The following ANKS1B variants were observed in gnomAD, a reference collection of about 807,000 sequenced individuals.
ANKS1B encodes ankyrin repeat and sterile alpha motif domain-containing protein 1B.
ANKS1B carries 36 observed loss-of-function variants against 148.3 expected under a neutral mutation model. That is an observed-to-expected ratio of 0.24 (90% CI 0.19 to 0.32). The LOEUF is 0.32. ANKS1B is among the 10% of genes least tolerant of loss of function. The pLI is 1.00. For missense variants in ANKS1B, 1,157 were observed against 1,542.6 expected (o/e 0.75, Z 4.19); for synonymous variants, 542 against 560.8 (o/e 0.97, Z 0.47).
At chr12:99,033,685 T>A (rs1312421272) in intron 17 of ANKS1B, among the ~76,000 whole-genome samples, 2 of 152,002 alleles carry the variant, frequency 1.3e-5, no homozygotes, top group East Asian at 3.9e-4. Context: ...AAGTAACTTG[T>A]ATCATTATTG....
At chr12:99,636,182 T>C (rs1203634986) in intron 9 of ANKS1B, among the ~76,000 whole-genome samples, 1 of 152,098 alleles carries the variant, frequency 6.6e-6, no homozygotes, top group Non-Finnish European at 1.5e-5. Context: ...AGAATTCTGT[T>C]TGGTCTAGAA....
intron 12 of ANKS1B, among the ~76,000 whole-genome samples, chr12:99,253,104 T>G (rs1395880328): frequency 6.6e-6 from 1 of 151,982 alleles, no homozygotes; most frequent in Non-Finnish European, 1.5e-5. Context: ...TGAGTGCCTG[T>G]GAGTTCCAGC....
intron 9 of ANKS1B, among the ~76,000 whole-genome samples, chr12:99,564,603 T>A (rs1390370702): frequency 1.3e-5 from 2 of 152,116 alleles, no homozygotes; most frequent in Non-Finnish European, 2.9e-5. Context: ...TCTACACTTA[T>A]AACCTGAATG....
At chr12:99,950,182 A>T (rs935925802) in intron 1 of ANKS1B, among the ~76,000 whole-genome samples, 1 of 146,924 alleles carries the variant, frequency 6.8e-6, no homozygotes, top group Non-Finnish European at 1.5e-5. Context: ...GCTTGTCTCA[A>T]ACTCCTGGGC....
intron 10 of ANKS1B, among the ~76,000 whole-genome samples, chr12:99,488,539 T>C (rs2096524691): frequency 6.6e-6 from 1 of 152,220 alleles, no homozygotes; most frequent in Admixed American, 6.5e-5. Flanking sequence ...TCTAGTTCTT[T>C]AGCAAACCTC....
chr12:99,653,343 C>T (rs10860483), intron 9 of ANKS1B, among the ~76,000 whole-genome samples: 65,516 of 151,906 alleles, frequency 0.43, 14,925 homozygotes, highest in South Asian at 0.58. Context: ...AGATATAAGG[C>T]AAAGTAATGA....
At chr12:98,747,784 T>C (rs1309216978) in intron 26 of ANKS1B, among the ~76,000 whole-genome samples, 1 of 152,200 alleles carries the variant, frequency 6.6e-6, no homozygotes, top group Non-Finnish European at 1.5e-5. Flanking sequence ...ATAAAAAGAA[T>C]GAGATCCTGT....
chr12:99,648,201 T>C (rs1240458351), intron 9 of ANKS1B: 1 of 1,614,128 alleles, frequency 6.2e-7, no homozygotes, highest in Non-Finnish European at 8.5e-7. Flanking sequence ...TGCTACCGTA[T>C]TACACGGCCC....
At chr12:98,894,915 G>A in intron 17 of ANKS1B, 4 of 937,888 alleles carry the variant, frequency 4.3e-6, no homozygotes, top group Non-Finnish European at 3.8e-6. Context: ...CCCCCCGCGC[G>A]GCGCGTGCCC....
At chr12:99,854,846 CTG>C (rs1206923074) in intron 1 of ANKS1B, among the ~76,000 whole-genome samples, 2 of 152,072 alleles carry the variant, frequency 1.3e-5, no homozygotes, top group Non-Finnish European at 2.9e-5. Flanking sequence ...AAAACAAACA[CTG>C]AGAGAATTCA....
chr12:99,077,055 A>C (rs2048101573), intron 16 of ANKS1B, among the ~76,000 whole-genome samples: 1 of 152,188 alleles, frequency 6.6e-6, no homozygotes, highest in Admixed American at 6.6e-5. Context: ...AAACAAAAAT[A>C]CAAAAAGCAA....
intron 15 of ANKS1B, among the ~76,000 whole-genome samples, chr12:99,108,306 T>C (rs1478890508): frequency 6.6e-6 from 1 of 152,232 alleles, no homozygotes; most frequent in African/African-American, 2.4e-5. Context: ...GTTCTCTCTC[T>C]GTCCAACTAG....
chr12:99,481,223 T>C lies in ANKS1B; in HGVS notation c.1438+23253A>G, dbSNP rs2152934432. Among the ~76,000 whole-genome samples, 3 of 151,900 alleles carry C rather than the reference T, an allele frequency of 2.0e-5. No homozygotes were observed. The Middle Eastern group carries it at 0.01, about 517-fold the overall frequency. ...CTTCTGAGTCCATTATATCACTCTA[T>C]GATGCCTTTGCTGACACATGGCTTA... On this transcript the variant is annotated intron_variant, in intron 10 of 26. Transcript: ENST00000683438.
chr12:99,567,893 GGA>G (rs1203752310), intron 9 of ANKS1B, among the ~76,000 whole-genome samples: 1 of 152,184 alleles, frequency 6.6e-6, no homozygotes, highest in Non-Finnish European at 1.5e-5. Context: ...ACATTTATAT[GGA>G]GAGGGACAGA....
chr12:99,563,595 T>C (rs1214041505), intron 9 of ANKS1B, among the ~76,000 whole-genome samples: 2 of 152,152 alleles, frequency 1.3e-5, no homozygotes, highest in African/African-American at 4.8e-5. Context: ...TCTAAGCTCA[T>C]TGATCACAGA....
chr12:99,833,518 G>A (rs1054926884), intron 1 of ANKS1B, among the ~76,000 whole-genome samples: 59 of 152,160 alleles, frequency 3.9e-4, no homozygotes, highest in Admixed American at 1.2e-3. Context: ...AAGAACAAGA[G>A]AATGGCTGAG....
At position 99,528,355 on chromosome 12, in the gene ANKS1B, A is replaced by C. The variant is rs147138726; in HGVS notation, c.1273-23714T>G. Among the ~76,000 whole-genome samples the C allele has an allele frequency of 4.5e-3, 683 of 152,146 alleles. 3 individuals are homozygous for C. Among genetic ancestry groups the C allele is most frequent in the African/African-American group, 0.016 (644 of 41,532 alleles). On this transcript the variant is annotated intron_variant, in intron 9 of 26. Transcript: ENST00000683438. ...GAAGATGCCAAAAACAATTGCAACA[A>C]AACCAAAAATTGACAAACGGGACCT...
chr12:98,938,842 A>G (rs2099827878), intron 17 of ANKS1B, among the ~76,000 whole-genome samples: 1 of 152,208 alleles, frequency 6.6e-6, no homozygotes, highest in Non-Finnish European at 1.5e-5. Flanking sequence ...CCCATCAACT[A>G]TGGGGGTTGG....
chr12:98,800,134 T>C lies in ANKS1B; in HGVS notation c.3270+863A>G, dbSNP rs1209804321. On this transcript the variant is annotated intron_variant, in intron 21 of 26. Coordinates refer to ENST00000683438, the MANE Select transcript of ANKS1B (RefSeq NM_001352186.2). The stretch of plus-strand genomic sequence containing the variant: ...GGAGGGAGGAGCCATTTCAATCCTA[T>C]GGTTTTGGGCAGTACCACTGAAATA... 1.1e-4 allele frequency among the ~76,000 whole-genome samples: 16 copies of C among 149,600 alleles called. No individual in the cohort carries two copies. The East Asian group carries it at 2.2e-3, about 20-fold the overall frequency.
Sources: gnomAD v4.1 joint callset for allele counts (sites outside exome capture counted in the v4.1 genomes callset) on GRCh38, gnomAD v4.1.1 for gene constraint, MANE v1.5 for transcripts, NCBI Gene and HGNC (gene_info 2026-07-23, HGNC 2026-07-21) for gene names.